CCDC126: variants seen among roughly 807,000 people sequenced by gnomAD.
CCDC126 encodes the protein coiled-coil domain containing 126.
A neutral mutation model predicts 11.7 loss-of-function variants in CCDC126; 5 were observed. That is an observed-to-expected ratio of 0.43 (90% CI 0.22 to 0.90). The LOEUF (loss-of-function observed/expected upper bound fraction) is 0.90. CCDC126 is among the 40% of genes least tolerant of loss of function. The probability of loss-of-function intolerance (pLI) is 0.27; values close to 1 mark genes in which losing one functional copy is unlikely to be tolerated. For synonymous variants in CCDC126, 60 were observed against 61.9 expected (o/e 0.97, Z 0.14); for missense variants, 150 against 163.1 (o/e 0.92, Z 0.44).
intron 3 of CCDC126, among the ~76,000 whole-genome samples, chr7:23,617,436 G>T (rs1016448219): frequency 1.3e-5 from 2 of 149,226 alleles, no homozygotes; most frequent in Non-Finnish European, 3.0e-5. Context: ...TAGCTTTTCT[G>T]AAGCGTTTTT....
At position 23,597,420 on chromosome 7, in the gene CCDC126, T is replaced by A. The variant is rs1782434510; in HGVS notation, c.-416T>A. On this transcript the variant is annotated 5_prime_UTR_variant, in exon 1 of 4. Transcript: ENST00000307471. ...AGCCGAGTGCGAGGGACGAGCGGAG[T>A]AAAATCTCCACAAGCTGGGAACAAA... 6.6e-6 allele frequency: 1 copy of A among 151,794 alleles called. No homozygotes were observed. The highest frequency in any genetic ancestry group is 2.4e-5 in the African/African-American group (1 of 41,186). The allele number at this position is 151,794 out of a possible 1,614,324, so 9.4% of individuals were successfully genotyped here.
chr7:23,602,634 A>G (rs945619972), intron 2 of CCDC126, among the ~76,000 whole-genome samples: 5 of 152,178 alleles, frequency 3.3e-5, no homozygotes, highest in African/African-American at 1.2e-4. Flanking sequence ...GAATTTGTTG[A>G]CTGCTCCCGA....
chr7:23,600,644 CT>C (rs1269488926), intron 2 of CCDC126, among the ~76,000 whole-genome samples: 1 of 152,162 alleles, frequency 6.6e-6, no homozygotes, highest in African/African-American at 2.4e-5. Flanking sequence ...GTGAAAGCTT[CT>C]CTGCCTGCTA....
chr7:23,636,933 A>T, intron 3 of CCDC126, among the ~76,000 whole-genome samples: 1 of 43,902 alleles, frequency 2.3e-5, no homozygotes, highest in Non-Finnish European at 4.4e-5. Flanking sequence ...CCAGCTGCCC[A>T]GTCCGGGAGG....
chr7:23,641,329 C>T (rs1372329633), intron 3 of CCDC126, among the ~76,000 whole-genome samples: 1 of 152,104 alleles, frequency 6.6e-6, no homozygotes, highest in Non-Finnish European at 1.5e-5. Flanking sequence ...CTATTCAAGT[C>T]CTTTGCCCAT....
At chr7:23,626,793 T>A (rs994929028) in intron 3 of CCDC126, among the ~76,000 whole-genome samples, 12 of 152,360 alleles carry the variant, frequency 7.9e-5, no homozygotes, top group Admixed American at 3.3e-4. Context: ...TAATATTTTT[T>A]AAAAATGCTA....
chr7:23,599,499 G>A (rs1005292905), intron 2 of CCDC126, among the ~76,000 whole-genome samples: 2 of 151,886 alleles, frequency 1.3e-5, no homozygotes, highest in Non-Finnish European at 2.9e-5. Flanking sequence ...TATATATATA[G>A]GTTTTGTTGT....
chr7:23,603,344 T>A (rs2128014044), intron 2 of CCDC126, among the ~76,000 whole-genome samples: 1 of 152,368 alleles, frequency 6.6e-6, no homozygotes, highest in East Asian at 1.9e-4. Flanking sequence ...ATAGTTCAAA[T>A]TAGGCATCTT....
intron 3 of CCDC126, among the ~76,000 whole-genome samples, chr7:23,621,180 T>G (rs1359794716): frequency 2.0e-5 from 3 of 152,236 alleles, no homozygotes; most frequent in South Asian, 4.1e-4. Flanking sequence ...AGTATGGCCA[T>G]TTTCACGATA....
At chr7:23,613,519 C>T (rs1782749223) in intron 3 of CCDC126, among the ~76,000 whole-genome samples, 1 of 152,036 alleles carries the variant, frequency 6.6e-6, no homozygotes, top group African/African-American at 2.4e-5. Context: ...TCCGATTTTT[C>T]AGTTATAGGT....
At chr7:23,601,968 G>A (rs1191644798) in intron 2 of CCDC126, 1 of 152,168 alleles carries the variant, frequency 6.6e-6, no homozygotes, top group Non-Finnish European at 1.5e-5. Flanking sequence ...TTACAAGTGT[G>A]AACCACCATG....
intron 3 of CCDC126, among the ~76,000 whole-genome samples, chr7:23,632,604 T>C (rs1256363325): frequency 6.6e-6 from 1 of 152,256 alleles, no homozygotes; most frequent in Non-Finnish European, 1.5e-5. Flanking sequence ...TATACAGTTT[T>C]GCAAGATGTT....
chr7:23,619,366 A>G (rs1373810322), intron 3 of CCDC126: 3 of 383,780 alleles, frequency 7.8e-6, no homozygotes, highest in African/African-American at 4.4e-5. Context: ...GAAGTATGCA[A>G]CCATGAAGCG....
intron 3 of CCDC126, chr7:23,622,394 G>A (rs28485523): frequency 0.48 from 157,446 of 331,270 alleles, 40,374 homozygotes; most frequent in South Asian, 0.64. Flanking sequence ...TTCTCTGGTG[G>A]TAGTTTGTAT....
intron 2 of CCDC126, among the ~76,000 whole-genome samples, chr7:23,610,096 A>G (rs1782684621): frequency 6.6e-6 from 1 of 152,186 alleles, no homozygotes; most frequent in Admixed American, 6.5e-5. Flanking sequence ...GTGTTTTAAA[A>G]ACTTGAAGTA....
In CCDC126 at chr7:23,643,429, A is replaced by C. The variant is rs978503004; in HGVS notation, c.*314A>C. ...TTTGAGATCAAGCTGAAATGAAAAC[A>C]CTGAAAAACATGGATTCATTTCTAT... On this transcript the variant is annotated 3_prime_UTR_variant, in exon 4 of 4. Coordinates refer to ENST00000307471, the MANE Select transcript of CCDC126 (RefSeq NM_138771.4). 4.4e-6 allele frequency: 1 copy of C among 228,646 alleles called. No homozygotes were observed. Among genetic ancestry groups the C allele is most frequent in the Admixed American group, 5.6e-5 (1 of 17,834 alleles). The allele number at this position is 228,646 out of a possible 1,614,324, so 14.2% of individuals were successfully genotyped here.
At chr7:23,636,714 C>T (rs573957798) in intron 3 of CCDC126, among the ~76,000 whole-genome samples, 13 of 145,528 alleles carry the variant, frequency 8.9e-5, no homozygotes, top group East Asian at 4.2e-4. Context: ...GCAGCCACCC[C>T]GTCTGGAAAG....
Position 23,636,401 on chromosome 7 carries a change from C to T in CCDC126, c.239-6530C>T, listed in dbSNP as rs1273229823. On this transcript the variant is annotated intron_variant, in intron 3 of 3. Coordinates refer to ENST00000307471, the MANE Select transcript of CCDC126 (RefSeq NM_138771.4). ...GAGCGTCTCTGCCCGGCCGCCATCC[C>T]ATCTAGGAAGCGAGGAGCGCCTCTT... is the stretch of plus-strand genomic sequence containing the variant. Among the ~76,000 whole-genome samples, 4 of 150,734 alleles carry T rather than the reference C, an allele frequency of 2.7e-5. No individual in the cohort carries two copies. In the East Asian group the frequency reaches 7.9e-4, roughly 30 times the overall value.
At chr7:23,608,190 C>T (rs11970982) in intron 2 of CCDC126, among the ~76,000 whole-genome samples, 1,816 of 152,242 alleles carry the variant, frequency 0.012, 38 homozygotes, top group African/African-American at 0.041. Flanking sequence ...GCGGAGGACA[C>T]GAAAACCCTT....
Sources: gnomAD v4.1 joint callset for allele counts (sites outside exome capture counted in the v4.1 genomes callset) on GRCh38, gnomAD v4.1.1 for gene constraint, MANE v1.5 for transcripts, NCBI Gene and HGNC (gene_info 2026-07-23, HGNC 2026-07-21) for gene names.